EPB41L1: variants seen among roughly 807,000 people sequenced by gnomAD.
EPB41L1 encodes band 4.1-like protein 1.
In EPB41L1, 29 loss-of-function variants were observed where a neutral mutation model predicts 97.8. That is an observed-to-expected ratio of 0.30 (90% CI 0.22 to 0.40). EPB41L1 has a LOEUF of 0.40. EPB41L1 is among the 10% of genes least tolerant of loss of function. The pLI is 1.00. For missense variants in EPB41L1, 812 were observed against 1,162.3 expected (o/e 0.70, Z 4.38); for synonymous variants, 383 against 459.2 (o/e 0.83, Z 2.12).
In EPB41L1 at chr20:36,206,580, G is replaced by C. The variant is rs1031447435; in HGVS notation, c.1669-2908G>C. On this transcript the variant is annotated intron_variant, in intron 14 of 21. Coordinates refer to ENST00000338074, the MANE Select transcript of EPB41L1 (RefSeq NM_012156.2). The surrounding 1 kb of genome is among the most constrained non-coding windows in gnomAD (Gnocchi z 5.5). ...CTCCCGGAGGTGAGCCCAGGCCGAC[G>C]CTGAATTCCTTAGACCTGAGGGTTT... is the stretch of plus-strand genomic sequence containing the variant. 7.8e-7 allele frequency: 1 copy of C among 1,289,786 alleles called. No homozygotes were observed. The highest frequency in any genetic ancestry group is 2.3e-5 in the Admixed American group (1 of 43,570). 79.9% of individuals were successfully genotyped at this position (1,289,786 alleles called of 1,614,324 possible). A position where few individuals can be genotyped will look rare whatever the true frequency, so the allele number is the denominator to read the frequency against.
At chr20:36,148,417 T>C (rs1257128015) in intron 2 of EPB41L1, among the ~76,000 whole-genome samples, 1 of 152,066 alleles carries the variant, frequency 6.6e-6, no homozygotes, top group Non-Finnish European at 1.5e-5. Flanking sequence ...GAAGAGGGTC[T>C]CCCAGGCAGA....
chr20:36,209,170 A>G lies in EPB41L1; in HGVS notation c.1669-318A>G, dbSNP rs779834523. ...CTTTCGTGCAATGCTGCTTCCAATAAGCTCCCAGATCCAATACCCTTGGAT... is the reference window on the plus strand; with the variant it reads ...CTTTCGTGCAATGCTGCTTCCAATAGGCTCCCAGATCCAATACCCTTGGAT... On this transcript the variant is annotated intron_variant, in intron 14 of 21. Transcript: ENST00000338074. This position sits in a 1 kb window ranked among gnomAD's most constrained non-coding sequence, Gnocchi z 4.2. Among the ~76,000 whole-genome samples, 1 of 152,080 alleles carries G rather than the reference A, an allele frequency of 6.6e-6. No homozygotes were observed. The highest frequency in any genetic ancestry group is 1.5e-5 in the Non-Finnish European group (1 of 68,002).
chr20:36,179,382 C>T (rs947934923), intron 5 of EPB41L1, among the ~76,000 whole-genome samples: 28 of 152,208 alleles, frequency 1.8e-4, no homozygotes, highest in African/African-American at 5.5e-4. Context: ...CTCAGAGGCC[C>T]AGAGAGAGGC....
At chr20:36,134,563 G>A (rs1254244084) in intron 2 of EPB41L1, among the ~76,000 whole-genome samples, 1 of 152,178 alleles carries the variant, frequency 6.6e-6, no homozygotes, top group Non-Finnish European at 1.5e-5. Context: ...TTATTCCCAC[G>A]AGAATAGAGA....
intron 21 of EPB41L1, among the ~76,000 whole-genome samples, chr20:36,226,384 G>C (rs1427713969): frequency 3.9e-5 from 6 of 152,184 alleles, no homozygotes; most frequent in Non-Finnish European, 8.8e-5. Flanking sequence ...CCCTGTGCCA[G>C]GCACCAGGCT....
chr20:36,146,754 C>G lies in EPB41L1; in HGVS notation c.-9-28797C>G, dbSNP rs538022236. ...GTGCAAGGAAATGTTTGTGATCTGA[C>G]AGCAGACAGCAGGTGAAATTCTGCT... On this transcript the variant is annotated intron_variant, in intron 2 of 19. Coordinates refer to the EPB41L1 transcript ENST00000202028. Among the ~76,000 whole-genome samples the G allele has an allele frequency of 2.2e-3, 340 of 151,828 alleles. 2 individuals carry two copies. Among genetic ancestry groups the G allele is most frequent in the Admixed American group, 4.6e-3 (70 of 15,230 alleles).
At chr20:36,218,011 G>A (rs1054006266) in intron 17 of EPB41L1, among the ~76,000 whole-genome samples, 8 of 152,302 alleles carry the variant, frequency 5.3e-5, no homozygotes, top group South Asian at 2.1e-4. Flanking sequence ...GGGCCCTGGC[G>A]CCAGATCGGG....
rs2061777007 is a variant in EPB41L1, at chr20:36,188,466, G to A, written c.993G>A (p.Arg331=). 3.1e-6 allele frequency: 5 copies of A among 1,613,848 alleles called. No homozygotes were observed. The highest frequency in any genetic ancestry group is 1.7e-4 in the Middle Eastern group (1 of 6,004). ...AGATCCTCAAGATCTCCTACAAGAGGAGTAACTTCTATATCAAGATCCGGC... is the reference window on the plus strand; with the variant it reads ...AGATCCTCAAGATCTCCTACAAGAGAAGTAACTTCTATATCAAGATCCGGC... ...WPKILKISYK[R]SNFYIKIRPG... Residue 331 remains arginine, a synonymous_variant, in exon 9 of 22, where the codon AGG becomes AGA. Coordinates refer to ENST00000338074, the MANE Select transcript of EPB41L1 (RefSeq NM_012156.2).
intron 1 of EPB41L1, 178 bp downstream of exon 1, chr20:36,155,074 C>T (rs1311785245): frequency 3.4e-6 from 2 of 595,118 alleles, no homozygotes; most frequent in Admixed American, 2.4e-5. Flanking sequence ...GGTCTGCAGC[C>T]TCCTCCAAGG....
At position 36,190,174 on chromosome 20, in the gene EPB41L1, T is replaced by A; in HGVS notation, c.1027-103T>A. ...CTGGGCAAATGATCGAGACCCTGTGTCTCAAAAAAACATTAAACAAATAAA... is the reference window on the plus strand; with the variant it reads ...CTGGGCAAATGATCGAGACCCTGTGACTCAAAAAAACATTAAACAAATAAA... On this transcript the variant is annotated intron_variant, in intron 9 of 21. Coordinates refer to ENST00000338074, the MANE Select transcript of EPB41L1 (RefSeq NM_012156.2). This position sits in a 1 kb window ranked among gnomAD's most constrained non-coding sequence, Gnocchi z 5.8. The A allele has an allele frequency of 2.1e-6, 2 of 949,194 alleles. No homozygotes were observed. The allele number at this position is 949,194 out of a possible 1,614,324, so 58.8% of individuals were successfully genotyped here. A position where few individuals can be genotyped will look rare whatever the true frequency, so the allele number is the denominator to read the frequency against.
At position 36,197,955 on chromosome 20, in the gene EPB41L1, C is replaced by T. The variant is rs200873928; in HGVS notation, c.1582C>T (p.Arg528Trp). The T allele has an allele frequency of 1.6e-5, 26 of 1,614,180 alleles. No individual in the cohort carries two copies. Among genetic ancestry groups the T allele is most frequent in the Middle Eastern group, 1.6e-4 (1 of 6,062 alleles). ...LKEPNSKLIH[R>W]DRDWERERRL... ...GGAGCCCAACAGCAAACTCATCCAC[C>T]GGGATCGAGACTGGGAACGGGAGCG... The change falls in exon 14 of 22, where the codon CGG (arginine) becomes TGG (tryptophan). Residue 528 changes from arginine (R) to tryptophan (W), a missense_variant. Arg to Trp is a moderately radical substitution (Grantham distance 101). Around this residue, in one of 3 missense-constraint regions of EPB41L1, gnomAD observed 498 missense variants for 622.7 expected, o/e 0.80. Transcript: ENST00000338074.
At chr20:36,225,073 C>T (rs1368881781) in intron 21 of EPB41L1, among the ~76,000 whole-genome samples, 2 of 152,212 alleles carry the variant, frequency 1.3e-5, no homozygotes, top group Admixed American at 1.3e-4. Flanking sequence ...CTGCCCGACT[C>T]GGCCTCCCAA....
chr20:36,130,526 AT>A (rs150460139), intron 2 of EPB41L1, among the ~76,000 whole-genome samples: 3,337 of 152,242 alleles, frequency 0.022, 96 homozygotes, highest in East Asian at 0.13. Flanking sequence ...GCTCATGGAT[AT>A]TCCGGCTGTT....
intron 1 of EPB41L1, among the ~76,000 whole-genome samples, chr20:36,101,313 C>T (rs948290304): frequency 4.6e-5 from 7 of 152,096 alleles, no homozygotes; most frequent in Non-Finnish European, 5.9e-5. Context: ...GCTCTCACCC[C>T]ATGTGCAGCC....
At chr20:36,169,088 C>T (rs375292842) in intron 1 of EPB41L1, among the ~76,000 whole-genome samples, 142 of 151,668 alleles carry the variant, frequency 9.4e-4, no homozygotes, top group Admixed American at 1.8e-3. Context: ...TAGCTGGCTG[C>T]GGTGGCGGTC....
chr20:36,208,300 G>T (rs1261784406), intron 14 of EPB41L1: 3 of 449,218 alleles, frequency 6.7e-6, no homozygotes, highest in African/African-American at 6.0e-5. Context: ...CTCTAATCCA[G>T]AACAAATCCG....
At chr20:36,132,211 A>G (rs1223583209) in intron 2 of EPB41L1, among the ~76,000 whole-genome samples, 1 of 152,158 alleles carries the variant, frequency 6.6e-6, no homozygotes, top group Non-Finnish European at 1.5e-5. Context: ...TCTAGAGGTC[A>G]AAATCTGAAA....
In EPB41L1 at chr20:36,195,261, G is replaced by C; in HGVS notation, c.1450-68G>C. ...GGCTCCTTGCTGGACCAAGCCCATC[G>C]TGGTATCTCTAATCCATCTGCTCTA... is the stretch of plus-strand genomic sequence containing the variant. On this transcript the variant is annotated intron_variant, in intron 12 of 21. Coordinates refer to ENST00000338074, the MANE Select transcript of EPB41L1 (RefSeq NM_012156.2). The surrounding 1 kb of genome is among the most constrained non-coding windows in gnomAD (Gnocchi z 4.6). 6.3e-7 allele frequency: 1 copy of C among 1,596,416 alleles called. No homozygotes were observed.
chr20:36,153,042 G>A (rs1323078151), upstream of EPB41L1: 1 of 456,614 alleles, frequency 2.2e-6, no homozygotes, highest in African/African-American at 2.0e-5. Context: ...GCTGAACCTG[G>A]TGAGCAGGGG....
Sources: allele counts gnomAD v4.1 joint callset (sites outside exome capture counted in the v4.1 genomes callset), GRCh38; gene constraint gnomAD v4.1.1; regional missense constraint gnomAD v4.1.1; non-coding constraint Gnocchi (gnomAD v3.1); transcripts MANE v1.5; gene names NCBI Gene and HGNC (gene_info 2026-07-23, HGNC 2026-07-21).